SNX30: variants seen among roughly 807,000 people sequenced by gnomAD.
SNX30 encodes sorting nexin-30.
A neutral mutation model predicts 46.4 loss-of-function variants in SNX30; 24 were observed. That is an observed-to-expected ratio of 0.52 (90% CI 0.37 to 0.73). The LOEUF is 0.73. Ranked by LOEUF, SNX30 falls within the 30% of genes least tolerant of loss-of-function variation. SNX30 has a pLI of 0.00. For synonymous variants in SNX30, 189 were observed against 211.5 expected, an observed-to-expected ratio of 0.89 and a Z score of 0.92; for missense variants, 533 against 555.7, an observed-to-expected ratio of 0.96 and a Z score of 0.41.
At chr9:112,793,050 G>A (rs1271248628) in intron 1 of SNX30, among the ~76,000 whole-genome samples, 7 of 151,998 alleles carry the variant, frequency 4.6e-5, no homozygotes, top group Non-Finnish European at 8.8e-5. Flanking sequence ...ATGCCATTTT[G>A]AGTTGTTTTT....
intron 1 of SNX30, among the ~76,000 whole-genome samples, chr9:112,794,120 A>G (rs964526549): frequency 7.9e-5 from 12 of 152,124 alleles, no homozygotes; most frequent in African/African-American, 2.9e-4. Context: ...AACAATCAAG[A>G]ATATTCAGTT....
upstream of SNX30, among the ~76,000 whole-genome samples, chr9:112,750,138 A>G (rs1238112622): frequency 6.6e-6 from 1 of 152,174 alleles, no homozygotes; most frequent in Non-Finnish European, 1.5e-5. Context: ...ATATCATTTG[A>G]GACTCTCTAC....
chr9:112,850,384 T>G (rs541602903), intron 6 of SNX30, among the ~76,000 whole-genome samples: 44 of 152,344 alleles, frequency 2.9e-4, no homozygotes, highest in South Asian at 1.4e-3. Context: ...GGCTAATGAA[T>G]GAATCATTGA....
chr9:112,771,217 G>C (rs1839643748), intron 1 of SNX30, among the ~76,000 whole-genome samples: 1 of 152,154 alleles, frequency 6.6e-6, no homozygotes, highest in Non-Finnish European at 1.5e-5. Context: ...ACCAAACCTG[G>C]TATGGGTGGA....
intron 1 of SNX30, among the ~76,000 whole-genome samples, chr9:112,762,980 G>A (rs980152818): frequency 5.3e-5 from 8 of 152,118 alleles, no homozygotes; most frequent in African/African-American, 1.2e-4. Context: ...GTGTTTGGAC[G>A]TGAATCACCA....
downstream of SNX30, chr9:112,879,779 C>T: frequency 6.2e-7 from 1 of 1,613,108 alleles, no homozygotes; most frequent in Non-Finnish European, 8.5e-7. Context: ...TCTATGATGT[C>T]TCCATATGGT....
At chr9:112,839,765 G>A (rs1475591359) in intron 6 of SNX30, among the ~76,000 whole-genome samples, 1 of 152,220 alleles carries the variant, frequency 6.6e-6, no homozygotes, top group East Asian at 1.9e-4. Flanking sequence ...TTTGGGACAG[G>A]TCTAGGGCAT....
In SNX30 at chr9:112,868,942, AC is replaced by A; in HGVS notation, c.*101del. On this transcript the variant is annotated 3_prime_UTR_variant, in exon 9 of 9. Coordinates refer to ENST00000374232, the MANE Select transcript of SNX30 (RefSeq NM_001012994.2). ...CCAGAGACGCAGTGCTGGGAAAACA[AC>A]CACAGAAACATCTCTCCTTTGTGTA... 8.7e-7 allele frequency: 1 copy of A among 1,143,340 alleles called. No homozygotes were observed. Among genetic ancestry groups the A allele is most frequent in the Non-Finnish European group, 1.3e-6 (1 of 756,556 alleles). 70.8% of individuals were successfully genotyped at this position (1,143,340 alleles called of 1,614,324 possible).
intron 6 of SNX30, among the ~76,000 whole-genome samples, chr9:112,843,806 G>C (rs1384697868): frequency 1.3e-5 from 2 of 152,008 alleles, no homozygotes; most frequent in Non-Finnish European, 2.9e-5. Context: ...GTAAAGACGG[G>C]GTTTCACCAT....
intron 8 of SNX30, among the ~76,000 whole-genome samples, chr9:112,867,133 C>T (rs1297257041): frequency 1.4e-5 from 2 of 145,514 alleles, no homozygotes; most frequent in African/African-American, 5.1e-5. Context: ...AACTCCCCAC[C>T]CCCTCGGAAC....
rs1840414195 is a variant in SNX30, at chr9:112,817,401, C to CCTTTTTTTTTTTTT, written c.349-304_349-303insCTTTTTTTTTTTTT. On this transcript the variant is annotated intron_variant, in intron 2 of 8. Transcript: ENST00000374232. ...CGGTAGGGAAAAAAAAAAAAACTGGCTTTTTTTTTTTTTTTTTTTTTTTTT... is the reference window on the plus strand; with the variant it reads ...CGGTAGGGAAAAAAAAAAAAACTGGCCTTTTTTTTTTTTTTTTTTTTTTTTTTTTTTTTTTTTTT... 4.3e-5 allele frequency among the ~76,000 whole-genome samples: 2 copies of CCTTTTTTTTTTTTT among 46,832 alleles called. 1 individual carries two copies. Among genetic ancestry groups the CCTTTTTTTTTTTTT allele is most frequent in the African/African-American group, 1.9e-4 (2 of 10,264 alleles). 30.7% of individuals were successfully genotyped at this position (46,832 alleles called of 152,430 possible).
In SNX30 at chr9:112,880,035, A is replaced by G. The variant is rs1841558584; in HGVS notation, n.3387A>G. On this transcript the variant is annotated non_coding_transcript_exon_variant, in exon 5 of 6. Coordinates refer to the SNX30 transcript ENST00000604751. Reference sequence around the variant, plus strand: ...ATTTGCTTCCCCATTGTTCCTTTAGATAGAATCTCTGGGGGCCAGGCATGG... The same window carrying G: ...ATTTGCTTCCCCATTGTTCCTTTAGGTAGAATCTCTGGGGGCCAGGCATGG... 6.7e-6 allele frequency: 3 copies of G among 450,826 alleles called. No individual in the cohort carries two copies. The Admixed American group carries it at 1.0e-4, about 16-fold the overall frequency. 27.9% of individuals were successfully genotyped at this position (450,826 alleles called of 1,614,324 possible). A position where few individuals can be genotyped will look rare whatever the true frequency, so the allele number is the denominator to read the frequency against.
At position 112,838,509 on chromosome 9, in the gene SNX30, G is replaced by A. The variant is rs1362284406; in HGVS notation, c.826G>A (p.Glu276Lys). 1 of 1,611,540 alleles carries A rather than the reference G, an allele frequency of 6.2e-7. No individual in the cohort carries two copies. Among genetic ancestry groups the A allele is most frequent in the Non-Finnish European group, 8.5e-7 (1 of 1,178,474 alleles). ...IIKEEIEYLV[E>K]LREYGPVYST... ...TGTTCCCTGTTCAGAGTACCTTGTG[G>A]AGCTGAGAGAATACGGGCCTGTGTA... Residue 276 changes from glutamate (E) to lysine (K), a missense_variant, in exon 6 of 9, where the codon GAG becomes AAG. This residue lies in a region of SNX30 where 261 missense variants were observed against 270.9 expected (regional missense o/e 0.96). Coordinates refer to ENST00000374232, the MANE Select transcript of SNX30 (RefSeq NM_001012994.2).
chr9:112,839,969 A>G (rs1281095515), intron 6 of SNX30, among the ~76,000 whole-genome samples: 1 of 152,252 alleles, frequency 6.6e-6, no homozygotes, highest in Admixed American at 6.5e-5. Context: ...CTTTAAGCAC[A>G]TGCCAAAGCA....
intron 7 of SNX30, among the ~76,000 whole-genome samples, chr9:112,863,716 A>T (rs1654695334): frequency 3.3e-5 from 5 of 152,210 alleles, no homozygotes; most frequent in Admixed American, 3.3e-4. Context: ...TGGGGTTCAG[A>T]GGAGGCAGCT....
intron 2 of SNX30, among the ~76,000 whole-genome samples, chr9:112,816,360 G>A (rs1279766020): frequency 1.3e-5 from 2 of 152,196 alleles, no homozygotes; most frequent in Non-Finnish European, 2.9e-5. Context: ...CTGGATTTAA[G>A]TGTTGTCTTT....
At position 112,837,301 on chromosome 9, in the gene SNX30, A is replaced by G. The variant is rs962796687; in HGVS notation, c.814+892A>G. ...CCATAGGTTTTGGAGATAGCTGTGG[A>G]TACCATCCACACCTAAGGATCTTGC... On this transcript the variant is annotated intron_variant, in intron 5 of 8. Transcript: ENST00000374232. 4.6e-5 allele frequency among the ~76,000 whole-genome samples: 7 copies of G among 151,982 alleles called. 1 individual carries two copies. The Middle Eastern group carries it at 0.014, about 295-fold the overall frequency.
At chr9:112,835,065 C>G (rs186176815) in intron 4 of SNX30, among the ~76,000 whole-genome samples, 1 of 152,212 alleles carries the variant, frequency 6.6e-6, no homozygotes, top group Non-Finnish European at 1.5e-5. Context: ...ATTCTCTGCT[C>G]TATCCTCTGC....
chr9:112,783,500 A>G (rs1839876994), intron 1 of SNX30, among the ~76,000 whole-genome samples: 1 of 152,204 alleles, frequency 6.6e-6, no homozygotes, highest in Non-Finnish European at 1.5e-5. Context: ...ATATGTATAG[A>G]CTGCTGTGAA....
Sources: gnomAD v4.1 joint callset for allele counts (sites outside exome capture counted in the v4.1 genomes callset) on GRCh38, gnomAD v4.1.1 for gene constraint, gnomAD v4.1.1 regional missense constraint, MANE v1.5 for transcripts, NCBI Gene and HGNC (gene_info 2026-07-23, HGNC 2026-07-21) for gene names.